DTYMK: variants seen among roughly 807,000 people sequenced by gnomAD.
DTYMK encodes deoxythymidylate kinase, also known as thymidylate kinase.
DTYMK carries 20 observed loss-of-function variants against 20.3 expected under a neutral mutation model. That is an observed-to-expected ratio of 0.99 (90% CI 0.69 to 1.43). DTYMK has a LOEUF of 1.43. DTYMK is among the 40% of genes most tolerant of loss of function. The pLI is 0.00. For synonymous variants in DTYMK, 148 were observed against 124.4 expected (o/e 1.19, Z -1.27); for missense variants, 320 against 291.1 (o/e 1.10, Z -0.72).
intron 2 of DTYMK, among the ~76,000 whole-genome samples, chr2:241,683,988 C>T (rs1038887303): frequency 1.1e-4 from 16 of 152,098 alleles, no homozygotes; most frequent in South Asian, 4.2e-4. Context: ...ACCCGGGAGG[C>T]GGCGGTTGCA....
At position 241,678,565 on chromosome 2, in the gene DTYMK, C is replaced by G. The variant is rs2069170714; in HGVS notation, c.415G>C (p.Asp139His). Residue 139 changes from aspartate (D) to histidine (H), a missense_variant, in exon 4 of 5, where the codon GAT (aspartate) becomes CAT (histidine). Asp to His is a moderately conservative substitution (Grantham distance 81). Coordinates refer to ENST00000305784, the MANE Select transcript of DTYMK (RefSeq NM_012145.4). ...LVLFLQLQLA[D>H]AAKRGAFGHE... ...CCAAACGCTCCCCGCTTGGCAGCAT[C>G]CGCCAGCTGTAACTGGAGGAACAGG... 1 of 1,614,198 alleles carries G rather than the reference C, an allele frequency of 6.2e-7. No homozygotes were observed. The highest frequency in any genetic ancestry group is 1.3e-5 in the African/African-American group (1 of 75,064).
chr2:241,676,173 G>A lies in DTYMK; in HGVS notation c.593C>T (p.Ala198Val), dbSNP rs376658417. ...HEDIRVLSED[A>V]IRTATEKPLG... Reference sequence around the variant, plus strand: ...CGGCTTCTCTGTGGCAGTGCGGATGGCGTCCTCAGAGAGCACGCGGATGTC... The same window carrying A: ...CGGCTTCTCTGTGGCAGTGCGGATGACGTCCTCAGAGAGCACGCGGATGTC... The change falls in exon 5 of 5, where the codon GCC (alanine) becomes GTC (valine). Residue 198 changes from alanine (A) to valine (V), a missense_variant. Coordinates refer to ENST00000305784, the MANE Select transcript of DTYMK (RefSeq NM_012145.4). 107 of 1,612,968 alleles carry A rather than the reference G, an allele frequency of 6.6e-5. No homozygotes were observed. In the Middle Eastern group the frequency reaches 6.7e-4, roughly 10 times the overall value.
intron 2 of DTYMK, chr2:241,681,947 G>A (rs1575106405): frequency 3.7e-6 from 1 of 269,318 alleles, no homozygotes; most frequent in East Asian, 1.4e-4. Flanking sequence ...CAGAGGCTGA[G>A]GCAGGAGGAT....
At position 241,678,507 on chromosome 2, in the gene DTYMK, T is replaced by C. The variant is rs777665600; in HGVS notation, c.473A>G (p.Glu158Gly). 6.2e-7 allele frequency: 1 copy of C among 1,614,160 alleles called. No individual in the cohort carries two copies. Among genetic ancestry groups the C allele is most frequent in the East Asian group, 2.2e-5 (1 of 44,872 alleles). The change falls in exon 4 of 5, where the codon GAG becomes GGG. Residue 158 changes from glutamate (E) to glycine (G), a missense_variant. Glu to Gly is a moderately conservative substitution (Grantham distance 98). Coordinates refer to ENST00000305784, the MANE Select transcript of DTYMK (RefSeq NM_012145.4). Reference sequence around the variant, plus strand: ...CTGGTGGAAACACCGGAGCGCCCGCTCCTGGAAAGCCCCGTTCTCATAGCG... The same window carrying C: ...CTGGTGGAAACACCGGAGCGCCCGCCCCTGGAAAGCCCCGTTCTCATAGCG... ...HERYENGAFQ[E>G]RALRCFHQLM... is the part of the protein sequence containing the mutation.
At chr2:241,684,083 A>C (rs371531857) in intron 2 of DTYMK, among the ~76,000 whole-genome samples, 4 of 152,094 alleles carry the variant, frequency 2.6e-5, no homozygotes, top group South Asian at 4.1e-4. Context: ...AAAACAACAA[A>C]AAAAAACTAT....
intron 3 of DTYMK, among the ~76,000 whole-genome samples, chr2:241,678,989 C>G (rs1230312415): frequency 6.6e-6 from 1 of 152,194 alleles, no homozygotes; most frequent in African/African-American, 2.4e-5. Context: ...CCCTGGAGAC[C>G]CCCGGCCTAG....
chr2:241,683,490 A>G (rs2069312310), intron 2 of DTYMK, among the ~76,000 whole-genome samples: 1 of 151,998 alleles, frequency 6.6e-6, no homozygotes, highest in African/African-American at 2.4e-5. Context: ...GGCCCAAGAC[A>G]TTTCTTCCAA....
intron 4 of DTYMK, among the ~76,000 whole-genome samples, chr2:241,676,977 T>C (rs2069131634): frequency 6.6e-6 from 1 of 152,208 alleles, no homozygotes; most frequent in African/African-American, 2.4e-5. Context: ...AATTTGGTCC[T>C]AACAGCTGTG....
chr2:241,679,787 G>A (rs1021035846), intron 3 of DTYMK, among the ~76,000 whole-genome samples: 1 of 151,984 alleles, frequency 6.6e-6, no homozygotes, highest in Non-Finnish European at 1.5e-5. Flanking sequence ...TGGCCAACAT[G>A]GTAAAACCCC....
chr2:241,686,363 C>A lies in DTYMK; in HGVS notation c.130+291G>T, dbSNP rs550713289. On this transcript the variant is annotated intron_variant, in intron 1 of 4. Coordinates refer to ENST00000305784, the MANE Select transcript of DTYMK (RefSeq NM_012145.4). ...TTTACACGTCAGTCATCACCATACC[C>A]CGCACTTAAAGACACGCAGCGTGGA... 9.8e-4 allele frequency among the ~76,000 whole-genome samples: 150 copies of A among 152,362 alleles called. 1 individual carries two copies. The highest frequency in any genetic ancestry group is 3.3e-3 in the African/African-American group (138 of 41,576).
intron 4 of DTYMK, among the ~76,000 whole-genome samples, chr2:241,678,025 C>G (rs768276212): frequency 6.6e-6 from 1 of 152,178 alleles, no homozygotes; most frequent in Non-Finnish European, 1.5e-5. Flanking sequence ...CCTATAATCC[C>G]AGCACTTTGG....
intron 2 of DTYMK, among the ~76,000 whole-genome samples, chr2:241,681,685 T>C (rs1211936140): frequency 2.0e-5 from 3 of 152,152 alleles, no homozygotes; most frequent in South Asian, 2.1e-4. Flanking sequence ...CATGAGAGAA[T>C]TGATTAAGAT....
chr2:241,678,320 T>A (rs1440348752), intron 4 of DTYMK, 132 bp downstream of exon 4: 1 of 1,283,018 alleles, frequency 7.8e-7, no homozygotes. Context: ...GAACGACTAC[T>A]CCCGGGGCTC....
intron 2 of DTYMK, chr2:241,684,794 A>C (rs1018456404): frequency 6.7e-6 from 3 of 448,014 alleles, no homozygotes; most frequent in African/African-American, 6.4e-5. Flanking sequence ...GAGTTCATAT[A>C]AACTCAGTTA....
At chr2:241,684,886 G>T in intron 2 of DTYMK, 1 of 392,892 alleles carries the variant, frequency 2.5e-6, no homozygotes, top group Non-Finnish European at 5.2e-6. Context: ...GGGAAGGCAG[G>T]GGTAGTATGT....
chr2:241,686,576 C>A, intron 1 of DTYMK, 78 bp downstream of exon 1: 1 of 1,403,648 alleles, frequency 7.1e-7, no homozygotes, highest in Non-Finnish European at 9.2e-7. Context: ...CAGCCGCAGA[C>A]AACGAAGCGG....
chr2:241,676,904 A>G (rs1317723121), intron 4 of DTYMK, among the ~76,000 whole-genome samples: 2 of 152,254 alleles, frequency 1.3e-5, no homozygotes, highest in African/African-American at 2.4e-5. Context: ...GAAGTTCCGC[A>G]GCAGAAGCCA....
At chr2:241,678,368 T>C in intron 4 of DTYMK, 84 bp downstream of exon 4, 1 of 1,572,526 alleles carries the variant, frequency 6.4e-7, no homozygotes, top group South Asian at 1.1e-5. Flanking sequence ...GCAGCAGCTT[T>C]GCTGACACAA....
chr2:241,676,152 T>C lies in DTYMK; in HGVS notation c.614A>G (p.Lys205Arg). 1 of 1,612,512 alleles carries C rather than the reference T, an allele frequency of 6.2e-7. No individual in the cohort carries two copies. Among genetic ancestry groups the C allele is most frequent in the Non-Finnish European group, 8.5e-7 (1 of 1,179,258 alleles). Residue 205 changes from lysine (K) to arginine (R), a missense_variant, in exon 5 of 5, where the codon AAG (lysine) becomes AGG (arginine). Transcript: ENST00000305784. ...TCACTTCCATAGCTCCCCCAGCGGC[T>C]TCTCTGTGGCAGTGCGGATGGCGTC... is the stretch of plus-strand genomic sequence containing the variant. ...SEDAIRTATE[K>R]PLGELWK
Sources: gnomAD v4.1 joint callset for allele counts (sites outside exome capture counted in the v4.1 genomes callset) on GRCh38, gnomAD v4.1.1 for gene constraint, MANE v1.5 for transcripts, NCBI Gene and HGNC (gene_info 2026-07-23, HGNC 2026-07-21) for gene names.